The following NSMCE2 variants were observed in gnomAD, a reference collection of about 807,000 sequenced individuals.
NSMCE2 encodes E3 SUMO-protein ligase NSE2.
A neutral mutation model predicts 23.8 loss-of-function variants in NSMCE2; 24 were observed. The observed-to-expected ratio is 1.01, with a 90% CI of 0.73 to 1.42. NSMCE2 has a LOEUF of 1.42. NSMCE2 is among the 40% of genes most tolerant of loss of function. The probability of loss-of-function intolerance (pLI) is 0.00; values close to 1 mark genes in which losing one functional copy is unlikely to be tolerated. For synonymous variants in NSMCE2, 92 were observed against 94.1 expected (o/e 0.98, Z 0.13); for missense variants, 284 against 296.5 (o/e 0.96, Z 0.31).
At position 125,303,965 on chromosome 8, in the gene NSMCE2, T is replaced by C. The variant is rs560045366; in HGVS notation, c.419-53254T>C. ...TTTCTAGTGCTAAAAGAAATCCTGGTTGTGTTTGACCTTTCTAAGAAATTG... is the reference window on the plus strand; with the variant it reads ...TTTCTAGTGCTAAAAGAAATCCTGGCTGTGTTTGACCTTTCTAAGAAATTG... On this transcript the variant is annotated intron_variant, in intron 5 of 7. Coordinates refer to ENST00000287437, the MANE Select transcript of NSMCE2 (RefSeq NM_173685.4). Among the ~76,000 whole-genome samples the C allele has an allele frequency of 1.4e-4, 22 of 152,350 alleles. No individual in the cohort carries two copies. The South Asian group carries it at 1.4e-3, about 10-fold the overall frequency.
intron 5 of NSMCE2, among the ~76,000 whole-genome samples, chr8:125,340,006 TTTTTTG>T (rs1473215370): frequency 2.7e-5 from 3 of 113,080 alleles, no homozygotes; most frequent in Non-Finnish European, 4.0e-5. Context: ...GTTGTAGTTT[TTTTTTG>T]TTTTTTTTTT....
intron 4 of NSMCE2, among the ~76,000 whole-genome samples, chr8:125,161,149 TG>T (rs1226838510): frequency 6.6e-6 from 1 of 152,210 alleles, no homozygotes; most frequent in Non-Finnish European, 1.5e-5. Flanking sequence ...GAACTGTCCT[TG>T]GGAGAATGGA....
At chr8:125,097,060 G>A (rs530337710) in intron 1 of NSMCE2, among the ~76,000 whole-genome samples, 1 of 152,192 alleles carries the variant, frequency 6.6e-6, no homozygotes, top group East Asian at 1.9e-4. Flanking sequence ...TGTGTAAAAT[G>A]TCTCAACTTG....
At chr8:125,261,754 A>C (rs892618561) in intron 5 of NSMCE2, among the ~76,000 whole-genome samples, 3 of 151,954 alleles carry the variant, frequency 2.0e-5, no homozygotes, top group Admixed American at 6.6e-5. Context: ...GTAAAAAAAA[A>C]AAAACAAAAA....
At chr8:125,231,177 A>G (rs1825306239) in intron 5 of NSMCE2, among the ~76,000 whole-genome samples, 1 of 152,234 alleles carries the variant, frequency 6.6e-6, no homozygotes, top group Non-Finnish European at 1.5e-5. Context: ...TAATTATATG[A>G]TATATTAGTA....
At chr8:125,198,876 G>T (rs1341356948) in intron 5 of NSMCE2, among the ~76,000 whole-genome samples, 4 of 152,186 alleles carry the variant, frequency 2.6e-5, no homozygotes, top group African/African-American at 9.7e-5. Flanking sequence ...CCTGTTATTG[G>T]TCTATTCAGA....
intron 3 of NSMCE2, among the ~76,000 whole-genome samples, chr8:125,144,051 G>T (rs1258492387): frequency 6.6e-6 from 1 of 152,182 alleles, no homozygotes; most frequent in Non-Finnish European, 1.5e-5. Context: ...GGAAAAGAGG[G>T]GGGGAAAGTC....
intron 5 of NSMCE2, among the ~76,000 whole-genome samples, chr8:125,195,879 CTTTTTTTTTTTTT>C (rs34687223): frequency 1.2e-5 from 1 of 83,628 alleles, no homozygotes; most frequent in African/African-American, 5.7e-5. Context: ...TCCTGAATAA[CTTTTTTTTTTTTT>C]TTTTTTTTTT....
chr8:125,266,210 G>A lies in NSMCE2; in HGVS notation c.418+83954G>A, dbSNP rs556082185. Reference sequence around the variant, plus strand: ...AGGTTCAAGAGATTCTCCTGCCTCGGCCTCCCGAGTAGTTGGGATTACAGG... The same window carrying A: ...AGGTTCAAGAGATTCTCCTGCCTCGACCTCCCGAGTAGTTGGGATTACAGG... On this transcript the variant is annotated intron_variant, in intron 5 of 7. Coordinates refer to ENST00000287437, the MANE Select transcript of NSMCE2 (RefSeq NM_173685.4). Among the ~76,000 whole-genome samples the A allele has an allele frequency of 3.3e-5, 5 of 152,124 alleles. No homozygotes were observed. In the South Asian group the frequency reaches 8.3e-4, roughly 25 times the overall value.
At chr8:125,189,958 A>G (rs1238244787) in intron 5 of NSMCE2, among the ~76,000 whole-genome samples, 2 of 152,186 alleles carry the variant, frequency 1.3e-5, no homozygotes, top group African/African-American at 4.8e-5. Flanking sequence ...TGGTTTTACC[A>G]TCTCTGTGCC....
At chr8:125,326,366 A>T (rs1829665235) in intron 5 of NSMCE2, among the ~76,000 whole-genome samples, 1 of 152,212 alleles carries the variant, frequency 6.6e-6, no homozygotes. Context: ...AGGTATTTGC[A>T]TATCTCTTTG....
chr8:125,146,034 TCAGA>T, intron 3 of NSMCE2, among the ~76,000 whole-genome samples: 1 of 152,234 alleles, frequency 6.6e-6, no homozygotes, highest in Non-Finnish European at 1.5e-5. Context: ...CTTTTTGTTA[TCAGA>T]TTTCTTAAGG....
chr8:125,256,326 A>G (rs1485401139), intron 5 of NSMCE2, among the ~76,000 whole-genome samples: 1 of 151,864 alleles, frequency 6.6e-6, no homozygotes, highest in Non-Finnish European at 1.5e-5. Context: ...GGAAAGAGAC[A>G]GTGAAAGAGG....
chr8:125,360,455 C>T (rs1447833641), intron 7 of NSMCE2, among the ~76,000 whole-genome samples: 2 of 152,232 alleles, frequency 1.3e-5, no homozygotes, highest in Admixed American at 6.5e-5. Flanking sequence ...CGACTTCGTT[C>T]TGCTCACTGT....
At chr8:125,254,113 AT>A (rs1261046010) in intron 5 of NSMCE2, among the ~76,000 whole-genome samples, 3 of 152,152 alleles carry the variant, frequency 2.0e-5, no homozygotes, top group Non-Finnish European at 4.4e-5. Context: ...TAGGCTTGTA[AT>A]TTGATTTTCA....
intron 3 of NSMCE2, among the ~76,000 whole-genome samples, chr8:125,127,936 GTACT>G (rs1819590512): frequency 6.6e-6 from 1 of 152,190 alleles, no homozygotes; most frequent in South Asian, 2.1e-4. Context: ...TTTGTGTTAA[GTACT>G]TATGTGTGGA....
At chr8:125,345,143 G>A (rs1419541384) in intron 5 of NSMCE2, among the ~76,000 whole-genome samples, 1 of 152,070 alleles carries the variant, frequency 6.6e-6, no homozygotes, top group African/African-American at 2.4e-5. Context: ...GTGATCGGGG[G>A]CGTAGATGGT....
intron 5 of NSMCE2, among the ~76,000 whole-genome samples, chr8:125,317,635 A>G (rs868582951): frequency 6.6e-6 from 1 of 152,252 alleles, no homozygotes; most frequent in East Asian, 1.9e-4. Context: ...AGTCTAGGTC[A>G]GCATAAGCCA....
At chr8:125,099,946 T>C (rs562045623) in intron 1 of NSMCE2, among the ~76,000 whole-genome samples, 2 of 152,110 alleles carry the variant, frequency 1.3e-5, no homozygotes, top group East Asian at 3.9e-4. Context: ...AATTTAATGA[T>C]GCAGGAAAGC....
Sources: gnomAD v4.1 joint callset for allele counts (sites outside exome capture counted in the v4.1 genomes callset) on GRCh38, gnomAD v4.1.1 for gene constraint, MANE v1.5 for transcripts, NCBI Gene and HGNC (gene_info 2026-07-23, HGNC 2026-07-21) for gene names.